IGFL2: variants seen among roughly 807,000 people sequenced by gnomAD.
IGFL2 encodes IGF like family member 2, also known as insulin growth factor-like family member 2.
Under a neutral mutation model 13.9 loss-of-function variants are expected in IGFL2, and 7 were observed. That is an observed-to-expected ratio of 0.51 (90% CI 0.29 to 0.95). The LOEUF is 0.95. Ranked by LOEUF, IGFL2 falls within the 40% of genes least tolerant of loss-of-function variation. IGFL2 has a pLI of 0.08. For synonymous variants in IGFL2, 55 were observed against 55.8 expected, an observed-to-expected ratio of 0.99 and a Z score of 0.07; for missense variants, 138 against 147.8, an observed-to-expected ratio of 0.93 and a Z score of 0.34.
chr19:46,120,206 A>G, the IGFL2 span: 25 of 1,419,098 alleles, frequency 1.8e-5, no homozygotes, highest in East Asian at 2.6e-5. Context: ...CTCCAAAGCT[A>G]TGTCATTGAG....
chr19:46,120,765 A>C, the IGFL2 span, among the ~76,000 whole-genome samples: 1 of 150,930 alleles, frequency 6.6e-6, no homozygotes, highest in Non-Finnish European at 1.5e-5. Context: ...CATGATGCAT[A>C]TAGTAAAAAA....
At chr19:46,200,196 T>A in the IGFL2 span, among the ~76,000 whole-genome samples, 1 of 151,422 alleles carries the variant, frequency 6.6e-6, no homozygotes, top group East Asian at 1.9e-4. Flanking sequence ...TGAGACAAGA[T>A]CTCGTTCTGT....
intron 1 of IGFL2, among the ~76,000 whole-genome samples, chr19:46,155,609 C>G (rs1055037780): frequency 1.1e-4 from 17 of 152,206 alleles, no homozygotes; most frequent in Non-Finnish European, 5.9e-5. Flanking sequence ...ACACTGACTT[C>G]TGGAAGTCCT....
chr19:46,084,069 T>C, the IGFL2 span, among the ~76,000 whole-genome samples: 3 of 152,226 alleles, frequency 2.0e-5, no homozygotes, highest in South Asian at 2.1e-4. Flanking sequence ...GTCAGGAACA[T>C]GTTGTTTAAT....
chr19:46,137,081 G>A, the IGFL2 span: 19 of 1,601,006 alleles, frequency 1.2e-5, no homozygotes, highest in Middle Eastern at 1.7e-4. Context: ...TGGGGAAGAC[G>A]GCTTAGGAGA....
chr19:46,113,472 A>G, the IGFL2 span: 1 of 383,808 alleles, frequency 2.6e-6, no homozygotes, highest in South Asian at 2.0e-5. Context: ...GACAAAGAAG[A>G]TAAGCATTGT....
the IGFL2 span, chr19:46,196,209 A>T: frequency 2.6e-4 from 57 of 215,970 alleles, no homozygotes; most frequent in African/African-American, 1.2e-3. Flanking sequence ...CTGATCACCC[A>T]CTCACTCCCC....
intron 1 of IGFL2, among the ~76,000 whole-genome samples, chr19:46,149,236 TTC>T (rs1201921334): frequency 3.2e-4 from 47 of 145,836 alleles, no homozygotes; most frequent in Non-Finnish European, 5.5e-4. Context: ...TCTCTCCCTT[TTC>T]TCTCTCTCTC....
chr19:46,124,830 T>C, the IGFL2 span, among the ~76,000 whole-genome samples: 1 of 150,652 alleles, frequency 6.6e-6, no homozygotes, highest in Non-Finnish European at 1.5e-5. Flanking sequence ...CCAAGCACAT[T>C]CATTAGTTTC....
chr19:46,156,203 G>A (rs897451617), intron 1 of IGFL2, among the ~76,000 whole-genome samples: 2 of 152,112 alleles, frequency 1.3e-5, no homozygotes, highest in Non-Finnish European at 2.9e-5. Flanking sequence ...TGAATTTATC[G>A]ATCAATTTGG....
the IGFL2 span, among the ~76,000 whole-genome samples, chr19:46,171,248 C>T: frequency 6.6e-6 from 1 of 152,112 alleles, no homozygotes. Context: ...GTTGAATTAT[C>T]GGGGGCTGCT....
the IGFL2 span, among the ~76,000 whole-genome samples, chr19:46,098,467 C>T: frequency 1.3e-5 from 2 of 150,968 alleles, no homozygotes; most frequent in Non-Finnish European, 2.9e-5. Context: ...ATCCACATTG[C>T]CAATCTGTGT....
At chr19:46,177,101 T>TAAA in the IGFL2 span, among the ~76,000 whole-genome samples, 1 of 145,558 alleles carries the variant, frequency 6.9e-6, no homozygotes, top group South Asian at 2.2e-4. Flanking sequence ...TGTCCTCTAC[T>TAAA]AAAAAAAAAA....
chr19:46,207,227 A>C, the IGFL2 span: 3 of 152,082 alleles, frequency 2.0e-5, no homozygotes, highest in Non-Finnish European at 4.4e-5. Context: ...GTTTTTCAAG[A>C]GTTTTTATAA....
the IGFL2 span, among the ~76,000 whole-genome samples, chr19:46,169,155 A>T: frequency 6.6e-6 from 1 of 152,190 alleles, no homozygotes; most frequent in East Asian, 1.9e-4. Context: ...GCAGTGAGCT[A>T]TGATTGCACC....
At chr19:46,101,280 A>T in the IGFL2 span, 5 of 152,342 alleles carry the variant, frequency 3.3e-5, no homozygotes, top group African/African-American at 1.2e-4. Context: ...CTGGGGGGAA[A>T]CCCACTCATC....
At chr19:46,101,654 G>A in the IGFL2 span, among the ~76,000 whole-genome samples, 18 of 152,242 alleles carry the variant, frequency 1.2e-4, no homozygotes, top group African/African-American at 3.1e-4. Context: ...TTAGGCAGCC[G>A]CAGTGATGGG....
At chr19:46,120,291 C>G in the IGFL2 span, 1 of 1,610,020 alleles carries the variant, frequency 6.2e-7, no homozygotes, top group Non-Finnish European at 8.5e-7. Flanking sequence ...TTCGTCTCTT[C>G]TCCCCTTGTC....
chr19:46,195,724 G>A, the IGFL2 span: 1 of 152,174 alleles, frequency 6.6e-6, no homozygotes. Context: ...GGAGCTGACT[G>A]GGGAGATTCT....
Sources: gnomAD v4.1 joint callset for allele counts (sites outside exome capture counted in the v4.1 genomes callset) on GRCh38, gnomAD v4.1.1 for gene constraint, MANE v1.5 for transcripts, NCBI Gene and HGNC (gene_info 2026-07-23, HGNC 2026-07-21) for gene names.